RBM47: variants seen among roughly 807,000 people sequenced by gnomAD.
RBM47 encodes RNA-binding protein 47.
Under a neutral mutation model 47.1 loss-of-function variants are expected in RBM47, and 21 were observed. The observed-to-expected ratio is 0.45, with a 90% CI of 0.32 to 0.64. The LOEUF is 0.64. Among genes scored for constraint, RBM47 ranks in the 30% least tolerant of loss-of-function variants. The probability of loss-of-function intolerance (pLI) is 0.05; values close to 1 mark genes in which losing one functional copy is unlikely to be tolerated. For missense variants in RBM47, 708 were observed against 870.9 expected, an observed-to-expected ratio of 0.81 and a Z score of 2.35; for synonymous variants, 375 against 361.7, an observed-to-expected ratio of 1.04 and a Z score of -0.42.
chr4:40,577,430 T>G (rs1192747317), intron 1 of RBM47, among the ~76,000 whole-genome samples: 1 of 151,706 alleles, frequency 6.6e-6, no homozygotes, highest in Non-Finnish European at 1.5e-5. Context: ...ACAGGCAGCC[T>G]CAGAAAGATC....
intron 6 of RBM47, among the ~76,000 whole-genome samples, chr4:40,428,554 C>T (rs935676499): frequency 2.0e-5 from 3 of 152,072 alleles, no homozygotes; most frequent in Admixed American, 1.3e-4. Flanking sequence ...CATGTGTGGA[C>T]GTAGGTTTAA....
chr4:40,487,293 T>C (rs1048612215), intron 2 of RBM47, among the ~76,000 whole-genome samples: 10 of 152,144 alleles, frequency 6.6e-5, no homozygotes, highest in Admixed American at 3.3e-4. Flanking sequence ...ACATCATCAT[T>C]TCTTTTCTTT....
At chr4:40,600,871 G>C (rs1326589238) in intron 1 of RBM47, among the ~76,000 whole-genome samples, 2 of 150,858 alleles carry the variant, frequency 1.3e-5, no homozygotes, top group African/African-American at 4.9e-5. Context: ...TGTAATCTCA[G>C]CTACTCAGGA....
Position 40,558,826 on chromosome 4 carries a change from T to TAAA in RBM47, c.-239-14323_-239-14321dup, listed in dbSNP as rs573205780. ...CTGGTCGACAGAGTCAAACTCTGTC[T>TAAA]AAAAAAAAAAAAAAAAAATTAGCCG... On this transcript the variant is annotated intron_variant, in intron 1 of 6. Transcript: ENST00000295971. 1.3e-3 allele frequency among the ~76,000 whole-genome samples: 172 copies of TAAA among 129,810 alleles called. 1 individual carries two copies. Among genetic ancestry groups the TAAA allele is most frequent in the African/African-American group, 4.2e-3 (149 of 35,108 alleles). The allele number at this position is 129,810 out of a possible 152,430, so 85.2% of individuals were successfully genotyped here. A position where few individuals can be genotyped will look rare whatever the true frequency, so the allele number is the denominator to read the frequency against.
intron 1 of RBM47, among the ~76,000 whole-genome samples, chr4:40,544,951 T>G (rs996849396): frequency 1.2e-4 from 18 of 151,832 alleles, no homozygotes; most frequent in Admixed American, 1.2e-3. Context: ...CCCAGCTTGT[T>G]GGAGGAGCTG....
At chr4:40,613,276 T>C (rs939680229) in intron 1 of RBM47, among the ~76,000 whole-genome samples, 2 of 152,200 alleles carry the variant, frequency 1.3e-5, no homozygotes, top group Admixed American at 6.5e-5. Flanking sequence ...TCTTTAGGTC[T>C]GAAAAGATTC....
At chr4:40,620,431 G>A (rs1190316316) in intron 1 of RBM47, among the ~76,000 whole-genome samples, 1 of 151,920 alleles carries the variant, frequency 6.6e-6, no homozygotes, top group Non-Finnish European at 1.5e-5. Context: ...CTTGAGCCTG[G>A]GAGGTGGAGG....
At chr4:40,551,868 C>T (rs1199075238) in intron 1 of RBM47, among the ~76,000 whole-genome samples, 1 of 151,776 alleles carries the variant, frequency 6.6e-6, no homozygotes, top group Non-Finnish European at 1.5e-5. Context: ...AGGCTAGTCT[C>T]GAACTCTTGA....
Position 40,568,428 on chromosome 4 carries a change from CA to C in RBM47, c.-239-23923del, listed in dbSNP as rs35434439. On this transcript the variant is annotated intron_variant, in intron 1 of 6. Transcript: ENST00000295971. Reference sequence around the variant, plus strand: ...TAGGTAACATGGTAAAACCCTGTCTCAAAAAAAAAAAAAAAAAAAAAAAAAA... The same window carrying C: ...TAGGTAACATGGTAAAACCCTGTCTCAAAAAAAAAAAAAAAAAAAAAAAAA... 8.4e-3 allele frequency among the ~76,000 whole-genome samples: 485 copies of C among 57,566 alleles called. 4 individuals carry two copies. Among genetic ancestry groups the C allele is most frequent in the African/African-American group, 0.024 (386 of 16,062 alleles). The allele number at this position is 57,566 out of a possible 152,430, so 37.8% of individuals were successfully genotyped here.
intron 3 of RBM47, among the ~76,000 whole-genome samples, chr4:40,459,651 G>C (rs545772199): frequency 2.0e-5 from 3 of 152,270 alleles, no homozygotes; most frequent in African/African-American, 7.2e-5. Context: ...TCATACCCAG[G>C]TACTATCTGG....
chr4:40,512,283 A>G (rs1306111132), intron 2 of RBM47, among the ~76,000 whole-genome samples: 3 of 151,662 alleles, frequency 2.0e-5, no homozygotes, highest in Non-Finnish European at 4.4e-5. Flanking sequence ...TTAGCCGGGC[A>G]TGATGGTGGG....
chr4:40,529,270 G>A (rs1224421513), intron 2 of RBM47, among the ~76,000 whole-genome samples: 1 of 152,072 alleles, frequency 6.6e-6, no homozygotes, highest in East Asian at 1.9e-4. Flanking sequence ...ACTTTGGGGA[G>A]GCCAAGGTGG....
In RBM47 at chr4:40,576,262, G is replaced by GT. The variant is rs1203423517; in HGVS notation, c.-239-31757_-239-31756insA. On this transcript the variant is annotated intron_variant, in intron 1 of 6. Coordinates refer to ENST00000295971, the MANE Select transcript of RBM47 (RefSeq NM_001098634.2). ...TCTGTTTTTTTTTTTTTTTTGGGGGGGGGCGGAGACAGGGTCTCCCCCTGT... is the reference window on the plus strand; with the variant it reads ...TCTGTTTTTTTTTTTTTTTTGGGGGGTGGGCGGAGACAGGGTCTCCCCCTGT... Among the ~76,000 whole-genome samples the GT allele has an allele frequency of 7.3e-4, 102 of 139,940 alleles. 5 individuals are homozygous for GT. Among genetic ancestry groups the GT allele is most frequent in the Non-Finnish European group, 4.7e-5 (3 of 63,662 alleles). 91.8% of individuals were successfully genotyped at this position (139,940 alleles called of 152,430 possible).
rs145254255 is a variant in RBM47 at position 40,527,218 on chromosome 4, G to A, written c.-155+17204C>T. On this transcript the variant is annotated intron_variant, in intron 2 of 6. Coordinates refer to ENST00000295971, the MANE Select transcript of RBM47 (RefSeq NM_001098634.2). ...GCTCACTGCAACCTCCACCTCCTGG[G>A]TTCAAGCAATCCTCCCACCTCAGCC... Among the ~76,000 whole-genome samples, 3 of 151,866 alleles carry A rather than the reference G, an allele frequency of 2.0e-5. No individual in the cohort carries two copies. In the East Asian group the frequency reaches 5.8e-4, roughly 29 times the overall value.
intron 2 of RBM47, chr4:40,491,688 T>C (rs185030968): frequency 6.4e-6 from 1 of 157,428 alleles, no homozygotes; most frequent in Non-Finnish European, 1.4e-5. Flanking sequence ...TGAACAGACA[T>C]TTCTCTAAAG....
At chr4:40,625,445 A>C (rs1191032328) in intron 1 of RBM47, among the ~76,000 whole-genome samples, 1 of 152,180 alleles carries the variant, frequency 6.6e-6, no homozygotes, top group Non-Finnish European at 1.5e-5. Context: ...TTCCTTGGTC[A>C]GGTACAGGCG....
chr4:40,628,548 T>C lies in RBM47; in HGVS notation c.-240+848A>G, dbSNP rs930362316. Among the ~76,000 whole-genome samples, 4 of 152,244 alleles carry C rather than the reference T, an allele frequency of 2.6e-5. No individual in the cohort carries two copies. Among genetic ancestry groups the C allele is most frequent in the Non-Finnish European group, 2.9e-5 (2 of 68,038 alleles). Reference sequence around the variant, plus strand: ...CCTTCATGTTGGGTTGTCAACCCTTTGCTTTCCCTCCCCTGAGAAATTCGT... The same window carrying C: ...CCTTCATGTTGGGTTGTCAACCCTTCGCTTTCCCTCCCCTGAGAAATTCGT... On this transcript the variant is annotated intron_variant, in intron 1 of 6. Coordinates refer to ENST00000295971, the MANE Select transcript of RBM47 (RefSeq NM_001098634.2). This position sits in a 1 kb window ranked among gnomAD's most constrained non-coding sequence, Gnocchi z 4.0.
At chr4:40,429,914 G>A (rs552328146) in intron 6 of RBM47, among the ~76,000 whole-genome samples, 39 of 152,176 alleles carry the variant, frequency 2.6e-4, no homozygotes, top group African/African-American at 8.4e-4. Flanking sequence ...CCTGATGGTG[G>A]CCGGGCGCGG....
chr4:40,536,460 C>G (rs951590727), intron 2 of RBM47, among the ~76,000 whole-genome samples: 1 of 152,208 alleles, frequency 6.6e-6, no homozygotes, highest in Non-Finnish European at 1.5e-5. Flanking sequence ...GGAGTATTCT[C>G]TTTGCTTTCT....
Sources: gnomAD v4.1 joint callset for allele counts (sites outside exome capture counted in the v4.1 genomes callset) on GRCh38, gnomAD v4.1.1 for gene constraint, Gnocchi (gnomAD v3.1) non-coding constraint, MANE v1.5 for transcripts, NCBI Gene and HGNC (gene_info 2026-07-23, HGNC 2026-07-21) for gene names.